Variants in TFEC observed in about 807,000 individuals in gnomAD.
The protein encoded by TFEC is transcription factor EC.
A neutral mutation model predicts 41.6 loss-of-function variants in TFEC; 31 were observed. That is an observed-to-expected ratio of 0.74 (90% CI 0.56 to 1.01). TFEC has a LOEUF of 1.01. Ranked by LOEUF, TFEC falls within the 50% of genes least tolerant of loss-of-function variation. TFEC has a pLI of 0.00. For synonymous variants in TFEC, 143 were observed against 140.6 expected, an observed-to-expected ratio of 1.02 and a Z score of -0.12; for missense variants, 402 against 404.1, an observed-to-expected ratio of 0.99 and a Z score of 0.04.
intron 3 of TFEC, among the ~76,000 whole-genome samples, chr7:116,082,542 A>G (rs187574789): frequency 1.3e-5 from 2 of 152,182 alleles, no homozygotes. Flanking sequence ...AATTTAGTGT[A>G]CCACTATGAT....
chr7:116,155,629 C>T (rs946989104), intron 1 of TFEC, among the ~76,000 whole-genome samples: 6 of 152,170 alleles, frequency 3.9e-5, no homozygotes, highest in African/African-American at 1.2e-4. Flanking sequence ...GCTGTGAATG[C>T]TCTTATGCAC....
At chr7:115,979,688 C>T (rs1793539578) in intron 2 of TFEC, among the ~76,000 whole-genome samples, 1 of 152,168 alleles carries the variant, frequency 6.6e-6, no homozygotes, top group South Asian at 2.1e-4. Context: ...ACTCTACACT[C>T]CTTCTAACTA....
At chr7:115,999,395 C>T (rs1192047988) in intron 1 of TFEC, among the ~76,000 whole-genome samples, 1 of 151,764 alleles carries the variant, frequency 6.6e-6, no homozygotes, top group Non-Finnish European at 1.5e-5. Flanking sequence ...AAAGTAGAAA[C>T]ATTTCAAATA....
intron 4 of TFEC, among the ~76,000 whole-genome samples, chr7:115,956,026 C>T (rs1322941113): frequency 6.6e-6 from 1 of 151,942 alleles, no homozygotes; most frequent in Non-Finnish European, 1.5e-5. Context: ...TCAGGAAACC[C>T]TTACGTTGAT....
chr7:116,099,345 T>C (rs1018142680), intron 3 of TFEC, among the ~76,000 whole-genome samples: 1 of 152,222 alleles, frequency 6.6e-6, no homozygotes, highest in South Asian at 2.1e-4. Context: ...TTCTGCTAAC[T>C]GGTAATCCTG....
rs1044501528 is a variant in TFEC, at chr7:115,958,876, T to C, written c.268-2083A>G. ...AATATCATTAAACAATTGAGTTCAG[T>C]TTCAAAGTGTGTAATACACTTCATG... On this transcript the variant is annotated intron_variant, in intron 3 of 7. Transcript: ENST00000265440. Among the ~76,000 whole-genome samples the C allele has an allele frequency of 1.2e-4, 18 of 151,986 alleles. No homozygotes were observed. The South Asian group carries it at 3.7e-3, about 32-fold the overall frequency.
chr7:116,049,318 G>A (rs1014940869), intron 3 of TFEC, among the ~76,000 whole-genome samples: 7 of 152,056 alleles, frequency 4.6e-5, no homozygotes, highest in Non-Finnish European at 8.8e-5. Context: ...AAAAAAAACA[G>A]GGGTTGCAAT....
At chr7:116,041,037 A>G (rs1796024039) in intron 3 of TFEC, among the ~76,000 whole-genome samples, 1 of 152,152 alleles carries the variant, frequency 6.6e-6, no homozygotes, top group Non-Finnish European at 1.5e-5. Flanking sequence ...CATGCATTGC[A>G]AATATCTATC....
chr7:116,134,342 G>T (rs1376129669), intron 1 of TFEC, among the ~76,000 whole-genome samples: 1 of 151,868 alleles, frequency 6.6e-6, no homozygotes, highest in Admixed American at 6.6e-5. Flanking sequence ...TAAAAAATAA[G>T]AATAAAAAGA....
At chr7:116,024,466 C>A (rs777680230) in intron 1 of TFEC, among the ~76,000 whole-genome samples, 1 of 152,134 alleles carries the variant, frequency 6.6e-6, no homozygotes, top group Non-Finnish European at 1.5e-5. Flanking sequence ...GGGAAATTTA[C>A]CTATCCTTCA....
chr7:115,988,831 A>C (rs1562915492), intron 1 of TFEC, among the ~76,000 whole-genome samples: 1 of 152,084 alleles, frequency 6.6e-6, no homozygotes, highest in Non-Finnish European at 1.5e-5. Flanking sequence ...ATCAAAGATA[A>C]AGAAAAAAAC....
intron 3 of TFEC, among the ~76,000 whole-genome samples, chr7:116,054,315 G>C (rs1454530529): frequency 1.3e-5 from 2 of 152,076 alleles, no homozygotes; most frequent in Non-Finnish European, 2.9e-5. Context: ...TGGAAGGCTT[G>C]AAATTAAAGA....
upstream of TFEC, among the ~76,000 whole-genome samples, chr7:116,031,380 C>G (rs183205633): frequency 1.8e-4 from 28 of 152,120 alleles, no homozygotes; most frequent in Admixed American, 3.3e-4. Context: ...ATTTACATCC[C>G]AATTTCATTT....
chr7:116,061,220 A>G (rs1041916393), intron 3 of TFEC, among the ~76,000 whole-genome samples: 5 of 152,136 alleles, frequency 3.3e-5, no homozygotes, highest in African/African-American at 1.2e-4. Flanking sequence ...AAACTTATAA[A>G]GTTTCAATAA....
chr7:116,062,043 C>T (rs1299087180), intron 3 of TFEC, among the ~76,000 whole-genome samples: 3 of 150,718 alleles, frequency 2.0e-5, no homozygotes, highest in Non-Finnish European at 3.0e-5. Context: ...TTCCCCTAGT[C>T]CCCAAAGTCT....
intron 3 of TFEC, among the ~76,000 whole-genome samples, chr7:116,051,972 G>A (rs944415114): frequency 7.2e-5 from 11 of 151,900 alleles, no homozygotes; most frequent in African/African-American, 2.7e-4. Context: ...TTTGTTCTGA[G>A]AAGGTGTAAG....
At chr7:116,122,006 C>A (rs1418464722) in intron 1 of TFEC, among the ~76,000 whole-genome samples, 1 of 151,930 alleles carries the variant, frequency 6.6e-6, no homozygotes, top group African/African-American at 2.4e-5. Flanking sequence ...ATAGCTGTAG[C>A]TAGGTGCCCA....
intron 3 of TFEC, among the ~76,000 whole-genome samples, chr7:116,062,246 T>TTTC (rs1207100857): frequency 3.2e-4 from 41 of 127,200 alleles, no homozygotes; most frequent in African/African-American, 1.1e-3. Flanking sequence ...TTTTTTTTTT[T>TTTC]TTTTTTTTGT....
At chr7:115,980,895 T>C (rs1212370840) in intron 2 of TFEC, among the ~76,000 whole-genome samples, 1 of 152,246 alleles carries the variant, frequency 6.6e-6, no homozygotes, top group Admixed American at 6.5e-5. Flanking sequence ...TTTTTGTTGT[T>C]AATATCACTG....
Sources: allele counts gnomAD v4.1 joint callset (sites outside exome capture counted in the v4.1 genomes callset), GRCh38; gene constraint gnomAD v4.1.1; transcripts MANE v1.5; gene names NCBI Gene and HGNC (gene_info 2026-07-23, HGNC 2026-07-21).